The following ROBO1 variants were observed in gnomAD, a reference collection of about 807,000 sequenced individuals.
The protein encoded by ROBO1 is roundabout homolog 1.
In ROBO1, 149 loss-of-function variants were observed where a neutral mutation model predicts 195.9. That is an observed-to-expected ratio of 0.76 (90% CI 0.67 to 0.87). The LOEUF is 0.87. Among genes scored for constraint, ROBO1 ranks in the 40% least tolerant of loss-of-function variants. The pLI, the probability that ROBO1 is intolerant of heterozygous loss-of-function variation, is 0.00. For missense variants in ROBO1, 1,933 were observed against 2,068.3 expected, an observed-to-expected ratio of 0.93 and a Z score of 1.27; for synonymous variants, 816 against 733.2, an observed-to-expected ratio of 1.11 and a Z score of -1.82.
chr3:79,125,321 A>T (rs549873340), intron 3 of ROBO1, 135 bp downstream of exon 3: 101 of 704,934 alleles, frequency 1.4e-4, no homozygotes, highest in Non-Finnish European at 2.4e-4. Flanking sequence ...AACAGAATGA[A>T]GTTTGAAAAA....
chr3:79,185,650 T>C (rs569982306), intron 2 of ROBO1, among the ~76,000 whole-genome samples: 6 of 152,260 alleles, frequency 3.9e-5, no homozygotes, highest in Admixed American at 6.5e-5. Flanking sequence ...TGACAGGAAG[T>C]CAATAAAGAC....
chr3:79,601,892 T>A (rs1002447566), intron 1 of ROBO1, among the ~76,000 whole-genome samples: 19 of 151,972 alleles, frequency 1.3e-4, no homozygotes, highest in Non-Finnish European at 2.5e-4. Context: ...ACAGGATCAT[T>A]TTTAAATGGA....
intron 1 of ROBO1, among the ~76,000 whole-genome samples, chr3:79,614,315 C>T (rs1270225836): frequency 6.6e-6 from 1 of 152,042 alleles, no homozygotes; most frequent in East Asian, 1.9e-4. Flanking sequence ...AAGGAAGATG[C>T]ATGGGAAATT....
intron 2 of ROBO1, among the ~76,000 whole-genome samples, chr3:79,299,914 A>G (rs1344231579): frequency 1.3e-5 from 2 of 152,176 alleles, no homozygotes; most frequent in Non-Finnish European, 2.9e-5. Context: ...CTTTCAGAAT[A>G]TTAACGATAT....
intron 3 of ROBO1, among the ~76,000 whole-genome samples, chr3:79,028,235 A>AATCACATAT (rs1365351388): frequency 1.3e-5 from 2 of 152,060 alleles, no homozygotes; most frequent in African/African-American, 4.8e-5. Context: ...TCTCAAATAT[A>AATCACATAT]ATCACATATG....
chr3:78,799,677 T>G lies in ROBO1; in HGVS notation c.500-52777A>C, dbSNP rs2084305368. On this transcript the variant is annotated intron_variant, in intron 4 of 30. Transcript: ENST00000464233. ...TTTTTGAATACTTTGCTTGTTTTTT[T>G]CTGCCTCTATCTGGGTCCTGGTCTT... 2.6e-5 allele frequency among the ~76,000 whole-genome samples: 4 copies of G among 152,174 alleles called. No homozygotes were observed. In the South Asian group the frequency reaches 8.3e-4, roughly 31 times the overall value.
At chr3:79,198,699 C>T (rs1489278523) in intron 2 of ROBO1, among the ~76,000 whole-genome samples, 1 of 152,014 alleles carries the variant, frequency 6.6e-6, no homozygotes, top group Non-Finnish European at 1.5e-5. Context: ...TTGTTTGTGT[C>T]CTCTTTTATT....
At chr3:78,734,450 A>G (rs533224553) in intron 5 of ROBO1, among the ~76,000 whole-genome samples, 1 of 151,772 alleles carries the variant, frequency 6.6e-6, no homozygotes, top group South Asian at 2.1e-4. Context: ...AGTCCCAGCT[A>G]CTCACATGGC....
chr3:79,008,929 G>GTGTGTA (rs58309796), intron 3 of ROBO1, among the ~76,000 whole-genome samples: 2 of 143,808 alleles, frequency 1.4e-5, no homozygotes. Context: ...GTGTGTGTGT[G>GTGTGTA]TATGGTTTTG....
chr3:78,836,734 A>C (rs1186797083), intron 4 of ROBO1, among the ~76,000 whole-genome samples: 1 of 152,156 alleles, frequency 6.6e-6, no homozygotes, highest in East Asian at 1.9e-4. Context: ...ATAGTCTTCT[A>C]AAATTTTCAT....
At chr3:79,191,635 A>T (rs1204439633) in intron 2 of ROBO1, among the ~76,000 whole-genome samples, 3 of 151,444 alleles carry the variant, frequency 2.0e-5, no homozygotes, top group Non-Finnish European at 4.4e-5. Context: ...GTAATTTCTC[A>T]TGGAAATTAA....
At chr3:79,530,240 T>G (rs934956484) in intron 2 of ROBO1, among the ~76,000 whole-genome samples, 1 of 152,170 alleles carries the variant, frequency 6.6e-6, no homozygotes, top group Admixed American at 6.5e-5. Context: ...CAGTGACACT[T>G]TTTTGGTTCT....
intron 2 of ROBO1, among the ~76,000 whole-genome samples, chr3:79,221,130 A>G (rs1427043289): frequency 1.3e-5 from 2 of 152,076 alleles, no homozygotes; most frequent in Non-Finnish European, 2.9e-5. Context: ...AAAGACACCC[A>G]ATCATAGGCA....
chr3:79,679,953 G>A (rs1393463071), intron 1 of ROBO1, among the ~76,000 whole-genome samples: 2 of 151,970 alleles, frequency 1.3e-5, no homozygotes, highest in African/African-American at 4.8e-5. Flanking sequence ...CACATGTCAT[G>A]TTGGGAAAAA....
intron 1 of ROBO1, among the ~76,000 whole-genome samples, chr3:79,761,647 G>A: frequency 6.6e-6 from 1 of 152,174 alleles, no homozygotes; most frequent in East Asian, 1.9e-4. Context: ...CTGAAATTCT[G>A]CTCTTGGCAA....
At chr3:79,693,251 A>T (rs938715989) in intron 1 of ROBO1, among the ~76,000 whole-genome samples, 4 of 151,904 alleles carry the variant, frequency 2.6e-5, no homozygotes, top group African/African-American at 9.7e-5. Context: ...TATAGCATAC[A>T]TACATACAAA....
intron 26 of ROBO1, among the ~76,000 whole-genome samples, chr3:78,620,437 G>A (rs4680941): frequency 0.38 from 57,769 of 151,998 alleles, 11,298 homozygotes; most frequent in Admixed American, 0.46. Flanking sequence ...GTTCCAACCC[G>A]GGAGGAGGAG....
chr3:79,613,470 C>A, intron 1 of ROBO1, among the ~76,000 whole-genome samples: 1 of 151,316 alleles, frequency 6.6e-6, no homozygotes, highest in Non-Finnish European at 1.5e-5. Context: ...CTCAACTAAC[C>A]CAAAAGAATA....
intron 2 of ROBO1, among the ~76,000 whole-genome samples, chr3:79,425,508 C>A (rs2038408788): frequency 6.6e-6 from 1 of 152,034 alleles, no homozygotes; most frequent in Non-Finnish European, 1.5e-5. Context: ...AGCCAGAAAG[C>A]AGATGAAAAG....
Sources: allele counts gnomAD v4.1 joint callset (sites outside exome capture counted in the v4.1 genomes callset), GRCh38; gene constraint gnomAD v4.1.1; transcripts MANE v1.5; gene names NCBI Gene and HGNC (gene_info 2026-07-23, HGNC 2026-07-21).